Variants in DLGAP2 observed in about 807,000 individuals in gnomAD.
DLGAP2 encodes disks large-associated protein 2.
In DLGAP2, 26 loss-of-function variants were observed where a neutral mutation model predicts 100.3. The ratio of observed to expected loss-of-function variants is 0.26; its 90% CI spans 0.19 to 0.36. The LOEUF (loss-of-function observed/expected upper bound fraction) is 0.36. DLGAP2 is among the 10% of genes least tolerant of loss of function. The pLI, the probability that DLGAP2 is intolerant of heterozygous loss-of-function variation, is 1.00. For synonymous variants in DLGAP2, 886 were observed against 630.1 expected, an observed-to-expected ratio of 1.41 and a Z score of -6.08; for missense variants, 1,858 against 1,453.2, an observed-to-expected ratio of 1.28 and a Z score of -4.53.
rs76873704 is a variant in DLGAP2 at position 1,430,890 on chromosome 8, A to G, written c.107-70476A>G. Among the ~76,000 whole-genome samples the G allele has an allele frequency of 9.6e-3, 1,466 of 152,338 alleles. 25 individuals are homozygous for G. The highest frequency in any genetic ancestry group is 0.032 in the African/African-American group (1,335 of 41,572). On this transcript the variant is annotated intron_variant, in intron 3 of 14. Transcript: ENST00000637795. ...ATCAGGCATTGGCAATAATGAATGA[A>G]TAATGAAAAGATCTGGTTTCCTATT...
chr8:955,237 C>T (rs1444440233), intron 2 of DLGAP2, among the ~76,000 whole-genome samples: 2 of 152,116 alleles, frequency 1.3e-5, no homozygotes, highest in South Asian at 2.1e-4. Context: ...ACCACCTTCC[C>T]AGGTGCACAT....
At chr8:853,594 C>G (rs1008420889) in intron 1 of DLGAP2, among the ~76,000 whole-genome samples, 17 of 152,164 alleles carry the variant, frequency 1.1e-4, no homozygotes, top group Admixed American at 9.2e-4. Context: ...TGGGACCCCC[C>G]ACGACATCCA....
chr8:847,759 G>A (rs1321764524), intron 1 of DLGAP2, among the ~76,000 whole-genome samples: 1 of 152,094 alleles, frequency 6.6e-6, no homozygotes, highest in East Asian at 1.9e-4. Flanking sequence ...CGCCTACCTC[G>A]GCCTCCCAAA....
intron 3 of DLGAP2, among the ~76,000 whole-genome samples, chr8:1,276,089 T>A (rs915790679): frequency 1.4e-5 from 2 of 139,918 alleles, no homozygotes; most frequent in African/African-American, 2.7e-5. Context: ...TAAATAAATG[T>A]GTATATAATA....
At chr8:1,010,300 A>C (rs1465247658) in intron 2 of DLGAP2, among the ~76,000 whole-genome samples, 32 of 127,298 alleles carry the variant, frequency 2.5e-4, no homozygotes, top group Admixed American at 2.2e-3. Context: ...GTACACTCAG[A>C]TATCAGTTTT....
intron 2 of DLGAP2, among the ~76,000 whole-genome samples, chr8:1,202,628 G>T (rs561812890): frequency 1.1e-4 from 17 of 152,308 alleles, no homozygotes; most frequent in African/African-American, 3.8e-4. Flanking sequence ...ACAGGCAGAG[G>T]CTCTGGGGAT....
chr8:1,042,558 G>A (rs373648963), intron 2 of DLGAP2, among the ~76,000 whole-genome samples: 103 of 152,278 alleles, frequency 6.8e-4, no homozygotes, highest in African/African-American at 2.2e-3. Context: ...AAGCACCGCC[G>A]GTATTGAGTG....
In DLGAP2 at chr8:996,815, T is replaced by A. The variant is rs1800796960; in HGVS notation, c.73+88849T>A. Among the ~76,000 whole-genome samples the A allele has an allele frequency of 2.0e-5, 3 of 152,208 alleles. No homozygotes were observed. The South Asian group carries it at 6.2e-4, about 31-fold the overall frequency. On this transcript the variant is annotated intron_variant, in intron 2 of 14. Coordinates refer to ENST00000637795, the MANE Select transcript of DLGAP2 (RefSeq NM_001346810.2). ...TGTGAGTTAATATGCGTGGCAGACA[T>A]CTATCTAAACAGTAGTAGAGCTGGT...
intron 3 of DLGAP2, among the ~76,000 whole-genome samples, chr8:1,289,680 T>C (rs992775589): frequency 6.6e-6 from 1 of 152,196 alleles, no homozygotes; most frequent in Admixed American, 6.5e-5. Flanking sequence ...GCCTCCACTG[T>C]GCAGTGTTCT....
chr8:1,572,813 G>T (rs1802787239), intron 6 of DLGAP2, among the ~76,000 whole-genome samples: 5 of 84,308 alleles, frequency 5.9e-5, no homozygotes, highest in Non-Finnish European at 1.2e-4. Flanking sequence ...GAGGAGAGAG[G>T]GGTGAACTGT....
chr8:839,376 G>A (rs1563057754), intron 1 of DLGAP2, among the ~76,000 whole-genome samples: 1 of 152,158 alleles, frequency 6.6e-6, no homozygotes, highest in Non-Finnish European at 1.5e-5. Context: ...TGATATAGAT[G>A]CACAATGGAA....
chr8:933,292 C>G (rs1489750563), intron 2 of DLGAP2, among the ~76,000 whole-genome samples: 2 of 152,276 alleles, frequency 1.3e-5, no homozygotes, highest in Non-Finnish European at 2.9e-5. Flanking sequence ...AATGACGGCC[C>G]TGGCCATGGT....
intron 2 of DLGAP2, among the ~76,000 whole-genome samples, chr8:1,100,696 G>A (rs1343621506): frequency 6.6e-6 from 1 of 152,188 alleles, no homozygotes; most frequent in African/African-American, 2.4e-5. Flanking sequence ...AACTTGGCGC[G>A]CCTGTTGCAT....
chr8:1,278,587 G>T (rs188146871), intron 3 of DLGAP2, among the ~76,000 whole-genome samples: 1 of 152,284 alleles, frequency 6.6e-6, no homozygotes, highest in African/African-American at 2.4e-5. Context: ...TAATAAAAAT[G>T]ATGTATTTCT....
At chr8:1,517,586 C>T (rs1199323839) in intron 4 of DLGAP2, among the ~76,000 whole-genome samples, 1 of 152,178 alleles carries the variant, frequency 6.6e-6, no homozygotes, top group Non-Finnish European at 1.5e-5. Flanking sequence ...AGTGCTCTCC[C>T]CATCCACCAG....
At chr8:1,107,538 G>A (rs1410810383) in intron 2 of DLGAP2, among the ~76,000 whole-genome samples, 1 of 152,214 alleles carries the variant, frequency 6.6e-6, no homozygotes, top group Non-Finnish European at 1.5e-5. Flanking sequence ...CGCGTGGGAA[G>A]CTCGTGTGCT....
At chr8:1,370,176 C>T (rs552567306) in intron 3 of DLGAP2, among the ~76,000 whole-genome samples, 1 of 152,126 alleles carries the variant, frequency 6.6e-6, no homozygotes, top group Non-Finnish European at 1.5e-5. Context: ...CCTGAGAGTT[C>T]TCTCTCAGTG....
At position 797,023 on chromosome 8, in the gene DLGAP2, T is replaced by G. The variant is rs79463227; in HGVS notation, c.18+59198T>G. Among the ~76,000 whole-genome samples, 265 of 152,396 alleles carry G rather than the reference T, an allele frequency of 1.7e-3. 1 individual carries two copies. Among genetic ancestry groups the G allele is most frequent in the African/African-American group, 6.2e-3 (256 of 41,608 alleles). On this transcript the variant is annotated intron_variant, in intron 1 of 14. Coordinates refer to ENST00000637795, the MANE Select transcript of DLGAP2 (RefSeq NM_001346810.2). ...CAGATAGTATCTTGTACTTAAAATG[T>G]ATTTCCATTGGCAGAGTCAATATTA...
At chr8:973,194 C>T (rs28617603) in intron 2 of DLGAP2, among the ~76,000 whole-genome samples, 41,719 of 151,156 alleles carry the variant, frequency 0.28, 7,165 homozygotes, top group Admixed American at 0.39. Context: ...AAGGGGCGGC[C>T]GGGCAGAGGC....
Sources: gnomAD v4.1 joint callset for allele counts (sites outside exome capture counted in the v4.1 genomes callset) on GRCh38, gnomAD v4.1.1 for gene constraint, MANE v1.5 for transcripts, NCBI Gene and HGNC (gene_info 2026-07-23, HGNC 2026-07-21) for gene names.